FYN: variants seen among roughly 807,000 people sequenced by gnomAD.
FYN encodes the protein tyrosine-protein kinase Fyn.
In FYN, 10 loss-of-function variants were observed where a neutral mutation model predicts 70.2. The observed-to-expected ratio is 0.14, with a 90% CI of 0.09 to 0.24. The LOEUF is 0.24. FYN is among the 10% of genes least tolerant of loss of function. The pLI is 1.00. For missense variants in FYN, 319 were observed against 673.1 expected (o/e 0.47, Z 5.82); for synonymous variants, 236 against 248.6 (o/e 0.95, Z 0.48).
intron 2 of FYN, chr6:111,813,862 G>A (rs570055694): frequency 2.3e-4 from 35 of 152,300 alleles, no homozygotes; most frequent in African/African-American, 8.2e-4. Context: ...CTTGCAAGTG[G>A]GTTGAGGACG....
intron 3 of FYN, among the ~76,000 whole-genome samples, chr6:111,764,233 G>GAAAAAAAAAA (rs1441217283): frequency 2.8e-5 from 2 of 71,694 alleles, no homozygotes; most frequent in African/African-American, 5.3e-5. Context: ...AAAAAAAAAA[G>GAAAAAAAAAA]AAAAGAAAAA....
Position 111,694,571 on chromosome 6 carries a change from A to G in FYN, c.1120-43T>C. On this transcript the variant is annotated intron_variant, in intron 11 of 13. Coordinates refer to ENST00000354650, the MANE Select transcript of FYN (RefSeq NM_002037.5). The surrounding 1 kb of genome is among the most constrained non-coding windows in gnomAD (Gnocchi z 5.0). Reference sequence around the variant, plus strand: ...ACAGGACATGTTACACCACGACCCAATGTACTTAGACACGTCATTAAATCT... The same window carrying G: ...ACAGGACATGTTACACCACGACCCAGTGTACTTAGACACGTCATTAAATCT... 4 of 1,613,816 alleles carry G rather than the reference A, an allele frequency of 2.5e-6. No individual in the cohort carries two copies. Among genetic ancestry groups the G allele is most frequent in the Non-Finnish European group, 2.5e-6 (3 of 1,179,738 alleles).
Position 111,661,889 on chromosome 6 carries a change from C to A in FYN, c.1464G>T (p.Pro488=), listed in dbSNP as rs368275033. Residue 488 remains proline, a synonymous_variant, in exon 14 of 14, where the codon CCG becomes CCT. Transcript: ENST00000354650. This position sits in a 1 kb window ranked among gnomAD's most constrained non-coding sequence, Gnocchi z 4.0. ...CATGCAGAGAGATGGGGCAGTCCTGCGGGCAGGGCATCCTGTAGCCTCGCT... is the reference window on the plus strand; with the variant it reads ...CATGCAGAGAGATGGGGCAGTCCTGAGGGCAGGGCATCCTGTAGCCTCGCT... The part of the protein sequence containing the change: ...QVERGYRMPC[P]QDCPISLHEL... 43 of 1,613,942 alleles carry A rather than the reference C, an allele frequency of 2.7e-5. No homozygotes were observed. The highest frequency in any genetic ancestry group is 3.6e-5 in the Non-Finnish European group (42 of 1,179,964).
chr6:111,842,898 T>G (rs1283079619), intron 2 of FYN, among the ~76,000 whole-genome samples: 1 of 152,242 alleles, frequency 6.6e-6, no homozygotes, highest in African/African-American at 2.4e-5. Flanking sequence ...CATTCTACAT[T>G]AACAGACCAA....
At chr6:111,709,306 T>C (rs549453771) in intron 5 of FYN, among the ~76,000 whole-genome samples, 6 of 152,064 alleles carry the variant, frequency 3.9e-5, no homozygotes, top group Non-Finnish European at 8.8e-5. Flanking sequence ...TTTAATCAGG[T>C]AGAGAATAAT....
chr6:111,678,575 A>G (rs1798650767), intron 12 of FYN, among the ~76,000 whole-genome samples: 1 of 152,194 alleles, frequency 6.6e-6, no homozygotes, highest in Non-Finnish European at 1.5e-5. Context: ...TTATATCACC[A>G]GATGGGACCT....
chr6:111,812,327 T>C (rs12055398), intron 2 of FYN, among the ~76,000 whole-genome samples: 14,599 of 152,098 alleles, frequency 0.096, 944 homozygotes, highest in African/African-American at 0.19. Flanking sequence ...TGGCAAAACC[T>C]CGGGACTCTT....
chr6:111,788,367 G>C (rs1187036942), intron 2 of FYN, among the ~76,000 whole-genome samples: 1 of 152,168 alleles, frequency 6.6e-6, no homozygotes, highest in African/African-American at 2.4e-5. Flanking sequence ...TCACCTCTGT[G>C]ACCAAATTAC....
chr6:111,850,524 A>G (rs1349656408), intron 1 of FYN, among the ~76,000 whole-genome samples: 1 of 152,236 alleles, frequency 6.6e-6, no homozygotes, highest in African/African-American at 2.4e-5. Flanking sequence ...GTTTGATGCA[A>G]CTTCCATATC....
chr6:111,851,452 G>A (rs1328367293), intron 1 of FYN, among the ~76,000 whole-genome samples: 1 of 152,118 alleles, frequency 6.6e-6, no homozygotes, highest in East Asian at 1.9e-4. Context: ...TCACAATTGA[G>A]AGCACACAAC....
rs1027403318 is a variant in FYN, at chr6:111,661,464, G to C, written c.*275C>G. 3 of 387,906 alleles carry C rather than the reference G, an allele frequency of 7.7e-6. No individual in the cohort carries two copies. In the Admixed American group the frequency reaches 1.3e-4, roughly 16 times the overall value. 24.0% of individuals were successfully genotyped at this position (387,906 alleles called of 1,614,324 possible). A position where few individuals can be genotyped will look rare whatever the true frequency, so the allele number is the denominator to read the frequency against. Reference sequence around the variant, plus strand: ...TGGCACTGGAGTAACTATTTACACTGAACAGAGGTTTGGCCTTTTACATAA... The same window carrying C: ...TGGCACTGGAGTAACTATTTACACTCAACAGAGGTTTGGCCTTTTACATAA... On this transcript the variant is annotated 3_prime_UTR_variant, in exon 14 of 14. Coordinates refer to ENST00000354650, the MANE Select transcript of FYN (RefSeq NM_002037.5). The surrounding 1 kb of genome is among the most constrained non-coding windows in gnomAD (Gnocchi z 4.0).
intron 3 of FYN, among the ~76,000 whole-genome samples, chr6:111,731,104 G>A (rs1459030182): frequency 2.0e-5 from 3 of 152,182 alleles, no homozygotes; most frequent in Non-Finnish European, 4.4e-5. Context: ...TACGAGGACC[G>A]CTGAGAATGA....
At chr6:111,752,018 T>G (rs932014820) in intron 3 of FYN, among the ~76,000 whole-genome samples, 2 of 152,218 alleles carry the variant, frequency 1.3e-5, no homozygotes, top group Non-Finnish European at 2.9e-5. Context: ...AGTAATAAAT[T>G]TATAATATAA....
chr6:111,816,809 A>G (rs1223596191), intron 2 of FYN, among the ~76,000 whole-genome samples: 1 of 152,218 alleles, frequency 6.6e-6, no homozygotes, highest in Non-Finnish European at 1.5e-5. Context: ...TTCTAAGGAG[A>G]AAATAAAGTA....
At chr6:111,846,514 T>C (rs547261097) in intron 2 of FYN, 75 bp downstream of exon 2, 2 of 398,774 alleles carry the variant, frequency 5.0e-6, no homozygotes, top group Non-Finnish European at 8.8e-6. Context: ...AAAGTGGACT[T>C]CATCCTAGGT....
intron 3 of FYN, among the ~76,000 whole-genome samples, chr6:111,760,194 T>C (rs548855100): frequency 9.9e-5 from 15 of 151,962 alleles, no homozygotes; most frequent in African/African-American, 3.4e-4. Flanking sequence ...AGCAGCATAA[T>C]ACAGCCAGAA....
intron 3 of FYN, among the ~76,000 whole-genome samples, chr6:111,767,020 T>C (rs549172539): frequency 5.9e-5 from 9 of 152,348 alleles, no homozygotes; most frequent in African/African-American, 2.2e-4. Context: ...ATAGTTGTCC[T>C]AGGTAAGCAG....
intron 1 of FYN, among the ~76,000 whole-genome samples, chr6:111,857,891 C>T (rs1583498400): frequency 6.6e-6 from 1 of 152,188 alleles, no homozygotes; most frequent in East Asian, 1.9e-4. Flanking sequence ...GTGCTGGCCT[C>T]TGGCCTCTGT....
intron 13 of FYN, among the ~76,000 whole-genome samples, chr6:111,669,694 G>C (rs1420553607): frequency 6.6e-6 from 1 of 152,112 alleles, no homozygotes; most frequent in Non-Finnish European, 1.5e-5. Context: ...GGCTTTGCAG[G>C]CTATGGGCTA....
Sources: gnomAD v4.1 joint callset for allele counts (sites outside exome capture counted in the v4.1 genomes callset) on GRCh38, gnomAD v4.1.1 for gene constraint, Gnocchi (gnomAD v3.1) non-coding constraint, MANE v1.5 for transcripts, NCBI Gene and HGNC (gene_info 2026-07-23, HGNC 2026-07-21) for gene names.